HP: variants seen among roughly 807,000 people sequenced by gnomAD.
HP encodes haptoglobin alpha(1S)-beta.
A neutral mutation model predicts 23.2 loss-of-function variants in HP; 9 were observed. The ratio of observed to expected loss-of-function variants is 0.39; its 90% CI spans 0.23 to 0.68. HP has a LOEUF of 0.68. HP is among the 30% of genes least tolerant of loss of function. HP has a pLI of 0.47. For missense variants in HP, 433 were observed against 483.6 expected (o/e 0.90, Z 0.98); for synonymous variants, 155 against 183.3 (o/e 0.85, Z 1.25).
rs920056688 is a variant in HP, at chr16:72,059,815, T to C, written c.443-297T>C. On this transcript the variant is annotated intron_variant, in intron 6 of 6. Transcript: ENST00000355906. ...TCAGGGAATTGTGGAAATTCCTTTA[T>C]TGGGATAATTGTTTAAATATAATAC... The C allele has an allele frequency of 1.3e-5, 7 of 546,658 alleles. No individual in the cohort carries two copies. The Admixed American group carries it at 1.3e-4, about 10-fold the overall frequency. 33.9% of individuals were successfully genotyped at this position (546,658 alleles called of 1,614,324 possible). A position where few individuals can be genotyped will look rare whatever the true frequency, so the allele number is the denominator to read the frequency against.
chr16:72,055,674 A>G (rs1212724352), intron 1 of HP: 2 of 193,464 alleles, frequency 1.0e-5, no homozygotes, highest in African/African-American at 4.6e-5. Context: ...TATTTAAGGA[A>G]CCTTTTATTA....
chr16:72,055,772 C>T (rs1232988776), intron 1 of HP: 4 of 317,834 alleles, frequency 1.3e-5, no homozygotes, highest in Non-Finnish European at 2.5e-5. Context: ...ACTATCTTTG[C>T]GGTGTCTGAG....
intron 1 of HP, chr16:72,055,941 A>G (rs2041452202): frequency 1.3e-6 from 1 of 763,602 alleles, no homozygotes; most frequent in Non-Finnish European, 2.1e-6. Flanking sequence ...GAAGCTTGGT[A>G]TGCTCAGAAG....
chr16:72,059,328 A>G lies in HP; in HGVS notation c.442+140A>G. The G allele has an allele frequency of 1.6e-6, 2 of 1,232,638 alleles. 1 individual carries two copies. The highest frequency in any genetic ancestry group is 4.1e-5 in the Admixed American group (2 of 49,274). 76.4% of individuals were successfully genotyped at this position (1,232,638 alleles called of 1,614,324 possible). On this transcript the variant is annotated intron_variant, in intron 6 of 6. Coordinates refer to ENST00000355906, the MANE Select transcript of HP (RefSeq NM_005143.5). Reference sequence around the variant, plus strand: ...GAGAACCGCAGCTGGCCAGGGAGAGACTTAAGCAGTTAGGTGATGACTCCC... The same window carrying G: ...GAGAACCGCAGCTGGCCAGGGAGAGGCTTAAGCAGTTAGGTGATGACTCCC...
intron 6 of HP, 167 bp downstream of exon 6, chr16:72,059,355 A>C: frequency 2.2e-6 from 2 of 901,420 alleles, no homozygotes; most frequent in Non-Finnish European, 3.4e-6. Flanking sequence ...ATGACTCCCT[A>C]AGGGTCACCA....
rs371501447 is a variant in HP, at chr16:72,060,750, G to A, written c.1081G>A (p.Val361Ile). The A allele has an allele frequency of 3.9e-5, 63 of 1,614,148 alleles. No individual in the cohort carries two copies. The highest frequency in any genetic ancestry group is 3.3e-4 in the Middle Eastern group (2 of 6,060). The change falls in exon 7 of 7, where the codon GTT (valine) becomes ATT (isoleucine). Residue 361 changes from valine (V) to isoleucine (I), a missense_variant. Transcript: ENST00000355906. ...CYGDAGSAFA[V>I]HDLEEDTWYA... ...TGGCGATGCGGGCAGTGCCTTTGCC[G>A]TTCACGACCTGGAGGAGGACACCTG...
At chr16:72,058,120 T>C in intron 4 of HP, 134 bp from the exon 5 acceptor site, 1 of 1,105,242 alleles carries the variant, frequency 9.0e-7, no homozygotes, top group Non-Finnish European at 1.3e-6. Context: ...TGTTTAAAAA[T>C]AATACAGTTC....
At chr16:72,059,928 A>G in intron 6 of HP, 184 bp from the exon 7 acceptor site, 1 of 1,357,802 alleles carries the variant, frequency 7.4e-7, no homozygotes, top group Non-Finnish European at 9.8e-7. Context: ...AATGTAAACA[A>G]TTTAAAAAAC....
chr16:72,056,187 T>A lies in HP; in HGVS notation c.32T>A (p.Leu11Gln). 1 of 1,614,010 alleles carries A rather than the reference T, an allele frequency of 6.2e-7. No homozygotes were observed. Among genetic ancestry groups the A allele is most frequent in the Non-Finnish European group, 8.5e-7 (1 of 1,179,940 alleles). MSALGAVIAL[L>Q]LWGQLFAVDS... is the part of the protein sequence containing the mutation. Reference sequence around the variant, plus strand: ...GCCCTGGGAGCTGTCATTGCCCTCCTGCTCTGGGGACAGCTTTTTGCAGTG... The same window carrying A: ...GCCCTGGGAGCTGTCATTGCCCTCCAGCTCTGGGGACAGCTTTTTGCAGTG... The change falls in exon 2 of 7, where the codon CTG (leucine) becomes CAG (glutamine). Residue 11 changes from leucine (L) to glutamine (Q), a missense_variant. Physicochemically the swap from Leu to Gln is moderately radical, Grantham distance 113 (BLOSUM62 -2). Coordinates refer to ENST00000355906, the MANE Select transcript of HP (RefSeq NM_005143.5).
chr16:72,057,614 C>T, intron 4 of HP, 148 bp downstream of exon 4: 1 of 679,828 alleles, frequency 1.5e-6, no homozygotes. Flanking sequence ...CAGGGAGAGA[C>T]TTAAGCAGTT....
At chr16:72,056,322 C>T (rs2041462342) in intron 2 of HP, 79 bp downstream of exon 2, 2 of 1,564,514 alleles carry the variant, frequency 1.3e-6, no homozygotes, top group Non-Finnish European at 8.8e-7. Flanking sequence ...ACACCCAATT[C>T]CCCCTTCTTA....
chr16:72,056,620 CAGA>C lies in HP; in HGVS notation c.182_184del (p.Glu61del). 8.3e-7 allele frequency: 1 copy of C among 1,197,630 alleles called. No homozygotes were observed. Among genetic ancestry groups the C allele is most frequent in the Admixed American group, 2.2e-5 (1 of 45,612 alleles). 74.2% of individuals were successfully genotyped at this position (1,197,630 alleles called of 1,614,324 possible). ...TGTAAGAACTACTACAAACTGCGCA[CAGA>C]AGGAGATGGTAAGATGTGGACAACT... On this transcript the variant is annotated inframe_deletion, in exon 3 of 7. Transcript: ENST00000355906.
chr16:72,054,929 G>A (rs1355480174), intron 1 of HP: 19 of 620,342 alleles, frequency 3.1e-5, no homozygotes, highest in South Asian at 6.2e-5. Context: ...ATCAGCTCCC[G>A]TGGTAGGCTT....
rs761446309 is a variant in HP, at chr16:72,060,506, TTA to T, written c.839_840del (p.Tyr280CysfsTer11). ...KDYAEVGRVG[Y>X]VSGWGRNANF... is the part of the protein sequence containing the mutation. ...ATTATGCAGAAGTAGGGCGTGTGGG[TTA>T]TGTTTCTGGCTGGGGGCGAAATGCC... On this transcript the variant is annotated frameshift_variant, in exon 7 of 7. Coordinates refer to ENST00000355906, the MANE Select transcript of HP (RefSeq NM_005143.5). LOFTEE classifies it high-confidence loss of function. 1 of 1,614,094 alleles carries T rather than the reference TTA, an allele frequency of 6.2e-7. No individual in the cohort carries two copies. Among genetic ancestry groups the T allele is most frequent in the South Asian group, 1.1e-5 (1 of 91,080 alleles).
At chr16:72,056,456 G>A (rs1440942964) in intron 2 of HP, 74 bp from the exon 3 acceptor site, 31 of 1,522,230 alleles carry the variant, frequency 2.0e-5, no homozygotes, top group East Asian at 1.7e-4. Flanking sequence ...AGCAGCTCCC[G>A]CTCATCTGAC....
rs138635822 is a variant in HP, at chr16:72,059,220, G to A, written c.442+32G>A. The A allele has an allele frequency of 1.3e-3, 2,100 of 1,563,850 alleles. 270 individuals carry two copies. The highest frequency in any genetic ancestry group is 2.8e-3 in the Middle Eastern group (16 of 5,812). On this transcript the variant is annotated intron_variant, in intron 6 of 6. Transcript: ENST00000355906. ...GCTGAGCACTTAAGAGAGCAGGCAG[G>A]CGTCCAGCGGGGAACGTCCTAGAGG...
chr16:72,060,434 G>T lies in HP; in HGVS notation c.765G>T (p.Lys255Asn). 2 of 1,614,140 alleles carry T rather than the reference G, an allele frequency of 1.2e-6. No homozygotes were observed. Among genetic ancestry groups the T allele is most frequent in the South Asian group, 2.2e-5 (2 of 91,082 alleles). Reference protein sequence around the residue: ...VDIGLIKLKQKVSVNERVMPI... With the variant: ...VDIGLIKLKQNVSVNERVMPI... ...TTGGGCTCATCAAACTCAAACAGAA[G>T]GTGTCTGTTAATGAGAGAGTGATGC... The change falls in exon 7 of 7, where the codon AAG (lysine) becomes AAT (asparagine). Residue 255 changes from lysine (K) to asparagine (N), a missense_variant. By Grantham distance (94) the Lys-to-Asn change is moderately conservative. This residue lies in a region of HP where 326 missense variants were observed against 358.1 expected (regional missense o/e 0.91). Transcript: ENST00000355906.
intron 1 of HP, chr16:72,055,884 C>T (rs1230670928): frequency 4.1e-6 from 2 of 484,156 alleles, no homozygotes; most frequent in Non-Finnish European, 7.7e-6. Context: ...GCCTTTCTAT[C>T]CCTCTCTGAA....
At chr16:72,054,799 A>C (rs1343484777) in intron 1 of HP, 142 bp downstream of exon 1, 1 of 1,250,974 alleles carries the variant, frequency 8.0e-7, no homozygotes, top group African/African-American at 1.5e-5. Flanking sequence ...TTAGTGTGTT[A>C]AATCTTCTCC....
Sources: allele counts gnomAD v4.1 joint callset, GRCh38; gene constraint gnomAD v4.1.1; regional missense constraint gnomAD v4.1.1; transcripts MANE v1.5; gene names NCBI Gene and HGNC (gene_info 2026-07-23, HGNC 2026-07-21).